The following MAF variants were observed in gnomAD, a reference collection of about 807,000 sequenced individuals.
MAF encodes the protein MAF bZIP transcription factor, also known as transcription factor Maf.
Under a neutral mutation model 22.0 loss-of-function variants are expected in MAF, and 10 were observed. That is an observed-to-expected ratio of 0.45 (90% CI 0.28 to 0.77). The LOEUF (loss-of-function observed/expected upper bound fraction) is 0.77, where lower values mean the gene tolerates loss of function less well. MAF is among the 30% of genes least tolerant of loss of function. The pLI, the probability that MAF is intolerant of heterozygous loss-of-function variation, is 0.12. For synonymous variants in MAF, 337 were observed against 255.8 expected (o/e 1.32, Z -3.03); for missense variants, 544 against 548.4 (o/e 0.99, Z 0.08).
At chr16:79,405,248 C>T in the MAF span, among the ~76,000 whole-genome samples, 1 of 152,210 alleles carries the variant, frequency 6.6e-6, no homozygotes, top group Non-Finnish European at 1.5e-5. Flanking sequence ...TTTGAGGTGT[C>T]TCCCTATGTT....
chr16:79,461,405 C>A, the MAF span, among the ~76,000 whole-genome samples: 1 of 152,296 alleles, frequency 6.6e-6, no homozygotes, highest in African/African-American at 2.4e-5. Context: ...AACCCAGTCT[C>A]CTTTACCCGA....
the MAF span, among the ~76,000 whole-genome samples, chr16:79,348,935 G>C: frequency 5.3e-4 from 80 of 152,264 alleles, no homozygotes; most frequent in African/African-American, 1.7e-3. Flanking sequence ...CCTAGATCTG[G>C]TGAAGTTGAT....
chr16:79,563,399 C>T, the MAF span, among the ~76,000 whole-genome samples: 18 of 151,854 alleles, frequency 1.2e-4, no homozygotes, highest in Admixed American at 1.2e-3. Context: ...TTGTTTCTTT[C>T]TGTTAAGTAC....
chr16:79,346,012 T>C, the MAF span, among the ~76,000 whole-genome samples: 3 of 152,152 alleles, frequency 2.0e-5, no homozygotes, highest in African/African-American at 7.2e-5. Flanking sequence ...TTTTCTACTA[T>C]GTTTCTCCGA....
At chr16:79,575,773 A>T in the MAF span, among the ~76,000 whole-genome samples, 2 of 152,162 alleles carry the variant, frequency 1.3e-5, no homozygotes, top group Non-Finnish European at 2.9e-5. Context: ...ATACCTTCAT[A>T]CCTATAACAA....
At chr16:79,365,749 G>A in the MAF span, among the ~76,000 whole-genome samples, 3 of 151,274 alleles carry the variant, frequency 2.0e-5, no homozygotes, top group African/African-American at 4.9e-5. Flanking sequence ...ATATCCAGAG[G>A]CCAAATATCT....
chr16:79,322,586 A>G, the MAF span, among the ~76,000 whole-genome samples: 1 of 152,202 alleles, frequency 6.6e-6, no homozygotes, highest in East Asian at 1.9e-4. Flanking sequence ...GGAAGCGGAA[A>G]CAGACCTTTC....
chr16:79,518,817 C>T, the MAF span, among the ~76,000 whole-genome samples: 4 of 152,060 alleles, frequency 2.6e-5, no homozygotes, highest in South Asian at 2.1e-4. Flanking sequence ...CCCAGCCACT[C>T]GGGAGGCTGA....
At chr16:79,489,959 C>T in the MAF span, among the ~76,000 whole-genome samples, 1 of 152,072 alleles carries the variant, frequency 6.6e-6, no homozygotes, top group Non-Finnish European at 1.5e-5. Context: ...CCTAGAAATG[C>T]TCAGGAGGTA....
chr16:79,400,187 C>T, the MAF span, among the ~76,000 whole-genome samples: 2 of 152,130 alleles, frequency 1.3e-5, no homozygotes, highest in Non-Finnish European at 1.5e-5. Flanking sequence ...GGGCAGACCC[C>T]ACCACAAAGA....
the MAF span, among the ~76,000 whole-genome samples, chr16:79,440,310 A>T: frequency 6.6e-6 from 1 of 152,216 alleles, no homozygotes; most frequent in African/African-American, 2.4e-5. Flanking sequence ...ACCCCAGTGG[A>T]AGGGCTGTGT....
At chr16:79,531,167 T>A in the MAF span, among the ~76,000 whole-genome samples, 2 of 152,220 alleles carry the variant, frequency 1.3e-5, no homozygotes, top group East Asian at 1.9e-4. Context: ...AGAGCTTGTA[T>A]AAGCATACCC....
chr16:79,250,030 G>A, the MAF span, among the ~76,000 whole-genome samples: 3 of 152,162 alleles, frequency 2.0e-5, no homozygotes, highest in South Asian at 2.1e-4. Flanking sequence ...GAATTAGCCC[G>A]TTACCAGCAT....
At chr16:79,270,986 C>T in the MAF span, among the ~76,000 whole-genome samples, 7 of 151,502 alleles carry the variant, frequency 4.6e-5, no homozygotes, top group South Asian at 2.1e-4. Flanking sequence ...CTGCAATCTC[C>T]GCCTCCTGGG....
the MAF span, among the ~76,000 whole-genome samples, chr16:79,227,887 G>C: frequency 2.0e-5 from 3 of 152,022 alleles, no homozygotes; most frequent in African/African-American, 4.8e-5. Flanking sequence ...TTCTTTCTTG[G>C]AATCTGAGAA....
chr16:79,427,698 C>T, the MAF span, among the ~76,000 whole-genome samples: 2 of 152,048 alleles, frequency 1.3e-5, no homozygotes, highest in Admixed American at 6.5e-5. Context: ...CCTGGAAAGC[C>T]GTTCCTGATA....
the MAF span, among the ~76,000 whole-genome samples, chr16:79,237,938 C>T: frequency 1.1e-3 from 172 of 152,232 alleles, no homozygotes; most frequent in African/African-American, 4.0e-3. Flanking sequence ...CATGGTGCAT[C>T]GTGACAGTCC....
the MAF span, among the ~76,000 whole-genome samples, chr16:79,290,088 A>T: frequency 1.3e-5 from 2 of 151,820 alleles, no homozygotes; most frequent in African/African-American, 4.8e-5. Context: ...CTATCTCTTG[A>T]CCTTGTGATC....
the MAF span, among the ~76,000 whole-genome samples, chr16:79,210,995 GTGT>G: frequency 6.6e-6 from 1 of 151,008 alleles, no homozygotes; most frequent in Non-Finnish European, 1.5e-5. Context: ...ATGAATTAAT[GTGT>G]TATGTGTTTG....
Sources: gnomAD v4.1 joint callset for allele counts (sites outside exome capture counted in the v4.1 genomes callset) on GRCh38, gnomAD v4.1.1 for gene constraint, MANE v1.5 for transcripts, NCBI Gene and HGNC (gene_info 2026-07-23, HGNC 2026-07-21) for gene names.